WWC2: variants seen among roughly 807,000 people sequenced by gnomAD.
WWC2 encodes the protein protein WWC2.
A neutral mutation model predicts 138.5 loss-of-function variants in WWC2; 101 were observed. That is an observed-to-expected ratio of 0.73 (90% CI 0.62 to 0.86). WWC2 has a LOEUF of 0.86. WWC2 is among the 40% of genes least tolerant of loss of function. The pLI is 0.00. For synonymous variants in WWC2, 558 were observed against 538.4 expected, an observed-to-expected ratio of 1.04 and a Z score of -0.50; for missense variants, 1,420 against 1,419.4, an observed-to-expected ratio of 1.00 and a Z score of -0.01.
intron 5 of WWC2, among the ~76,000 whole-genome samples, chr4:183,242,399 A>G (rs1007374240): frequency 6.6e-6 from 1 of 152,212 alleles, no homozygotes; most frequent in African/African-American, 2.4e-5. Context: ...TGTAATTTAA[A>G]CTTGAGCTTT....
rs1041679073 is a variant in WWC2, at chr4:183,201,765, C to T, written c.242-6188C>T. Among the ~76,000 whole-genome samples the T allele has an allele frequency of 2.0e-5, 3 of 152,174 alleles. No homozygotes were observed. In the East Asian group the frequency reaches 5.8e-4, roughly 29 times the overall value. ...CAAAGCTTTTTGAAGACAGTATATG[C>T]CCCTGGGCATTCCAGAAAATTGATA... On this transcript the variant is annotated intron_variant, in intron 2 of 22. Coordinates refer to ENST00000403733, the MANE Select transcript of WWC2 (RefSeq NM_024949.6).
chr4:183,282,780 C>G lies in WWC2; in HGVS notation c.2757C>G (p.Asp919Glu). 6.3e-7 allele frequency: 1 copy of G among 1,582,390 alleles called. No individual in the cohort carries two copies. Among genetic ancestry groups the G allele is most frequent in the Non-Finnish European group, 8.6e-7 (1 of 1,163,606 alleles). The change falls in exon 18 of 23, where the codon GAC becomes GAG. Residue 919 changes from aspartate (D) to glutamate (E), a missense_variant. Physicochemically the swap from Asp to Glu is conservative, Grantham distance 45 (BLOSUM62 2). Transcript: ENST00000403733. ...EKEAEVKLPE[D>E]SSCTEDLSSC... ...AGGCTGAAGTTAAATTGCCAGAGGA[C>G]AGTAGCTGTACAGAAGATTTAAGTT...
At chr4:183,298,636 G>T (rs1406304194) in intron 21 of WWC2, among the ~76,000 whole-genome samples, 1 of 152,088 alleles carries the variant, frequency 6.6e-6, no homozygotes, top group Non-Finnish European at 1.5e-5. Flanking sequence ...TACCATAAAA[G>T]TATCCATACC....
chr4:183,231,848 A>T (rs1465177556), intron 4 of WWC2, among the ~76,000 whole-genome samples: 1 of 152,182 alleles, frequency 6.6e-6, no homozygotes, highest in African/African-American at 2.4e-5. Context: ...ATAGGTGTTC[A>T]GAAGAAGTCT....
At chr4:183,267,415 C>T (rs1002371895) in intron 14 of WWC2, among the ~76,000 whole-genome samples, 1 of 152,184 alleles carries the variant, frequency 6.6e-6, no homozygotes, top group Non-Finnish European at 1.5e-5. Flanking sequence ...TTCTCCCTAC[C>T]AGTAGATAAG....
intron 1 of WWC2, among the ~76,000 whole-genome samples, chr4:183,114,754 G>A (rs1037961916): frequency 2.6e-5 from 4 of 152,030 alleles, no homozygotes; most frequent in Non-Finnish European, 4.4e-5. Context: ...TGTTGCGGGG[G>A]TTTGGTGTAC....
At chr4:183,221,992 C>A (rs1211499470) in intron 4 of WWC2, among the ~76,000 whole-genome samples, 1 of 152,084 alleles carries the variant, frequency 6.6e-6, no homozygotes, top group Non-Finnish European at 1.5e-5. Context: ...AAACTGGGAA[C>A]CAGCCTAAAT....
intron 1 of WWC2, among the ~76,000 whole-genome samples, chr4:183,107,285 C>T (rs1177475715): frequency 1.3e-5 from 2 of 152,124 alleles, no homozygotes; most frequent in African/African-American, 2.4e-5. Context: ...CCTCAGCCTC[C>T]TGAGTAGCTG....
intron 2 of WWC2, among the ~76,000 whole-genome samples, chr4:183,206,185 A>G (rs1735442675): frequency 6.6e-6 from 1 of 152,062 alleles, no homozygotes; most frequent in South Asian, 2.1e-4. Context: ...ATCCTGTACT[A>G]CCTGTTGTCC....
intron 1 of WWC2, among the ~76,000 whole-genome samples, chr4:183,165,337 C>T (rs548773220): frequency 6.6e-6 from 1 of 152,188 alleles, no homozygotes; most frequent in South Asian, 2.1e-4. Flanking sequence ...TAAATTCCAC[C>T]CTGATAACAA....
intron 1 of WWC2, among the ~76,000 whole-genome samples, chr4:183,107,362 G>T (rs1358458768): frequency 6.6e-6 from 1 of 151,998 alleles, no homozygotes; most frequent in Non-Finnish European, 1.5e-5. Context: ...GGGTTGGGCC[G>T]GTCTCGAACT....
intron 21 of WWC2, among the ~76,000 whole-genome samples, chr4:183,289,907 G>T (rs1049790005): frequency 6.6e-6 from 1 of 151,894 alleles, no homozygotes; most frequent in Non-Finnish European, 1.5e-5. Flanking sequence ...GGGGGTGAGG[G>T]TGTGCCCAAA....
chr4:183,146,678 G>C (rs1733471297), intron 1 of WWC2, among the ~76,000 whole-genome samples: 1 of 152,170 alleles, frequency 6.6e-6, no homozygotes, highest in Admixed American at 6.5e-5. Flanking sequence ...TTAGATGTCT[G>C]TCTGTATGAC....
intron 1 of WWC2, among the ~76,000 whole-genome samples, chr4:183,168,280 A>C (rs942124818): frequency 1.3e-5 from 2 of 150,178 alleles, no homozygotes; most frequent in African/African-American, 4.9e-5. Context: ...AATTCTTAGG[A>C]CCCATTGCCA....
At position 183,289,789 on chromosome 4, in the gene WWC2, C is replaced by CT. The variant is rs376418534; in HGVS notation, c.3384+168dup. 5.7e-3 allele frequency among the ~76,000 whole-genome samples: 798 copies of CT among 140,362 alleles called. 3 individuals are homozygous for CT. Among genetic ancestry groups the CT allele is most frequent in the African/African-American group, 0.016 (623 of 38,404 alleles). 92.1% of individuals were successfully genotyped at this position (140,362 alleles called of 152,430 possible). A position where few individuals can be genotyped will look rare whatever the true frequency, so the allele number is the denominator to read the frequency against. On this transcript the variant is annotated intron_variant, in intron 21 of 22. Transcript: ENST00000403733. ...CATATTTTTCCCACTGTTATAGGCC[C>CT]TTTTTTTTTTTTTTCCAAACCAAAA...
At chr4:183,253,620 T>C in intron 8 of WWC2, 137 bp from the exon 9 acceptor site, 4 of 1,037,010 alleles carry the variant, frequency 3.9e-6, no homozygotes, top group Admixed American at 2.8e-5. Context: ...CTCTCACCAG[T>C]AGACCACACC....
In WWC2 at chr4:183,305,712, C is replaced by T. The variant is rs532223110; in HGVS notation, c.3385-6629C>T. Among the ~76,000 whole-genome samples, 9 of 152,048 alleles carry T rather than the reference C, an allele frequency of 5.9e-5. No individual in the cohort carries two copies. The South Asian group carries it at 1.9e-3, about 31-fold the overall frequency. On this transcript the variant is annotated intron_variant, in intron 21 of 22. Coordinates refer to ENST00000403733, the MANE Select transcript of WWC2 (RefSeq NM_024949.6). ...GAGAATAAATATTTTTTCAGACAAA[C>T]AAAAATTAAGGACATTTGTGCTCAG...
At chr4:183,227,882 C>A (rs1227956778) in intron 4 of WWC2, among the ~76,000 whole-genome samples, 1 of 151,794 alleles carries the variant, frequency 6.6e-6, no homozygotes, top group Non-Finnish European at 1.5e-5. Context: ...CACTATATTA[C>A]TACAGAAAGC....
chr4:183,197,375 A>G (rs371630355), intron 2 of WWC2, among the ~76,000 whole-genome samples: 2 of 152,314 alleles, frequency 1.3e-5, no homozygotes, highest in East Asian at 3.9e-4. Flanking sequence ...ATCTTCTCAA[A>G]CAGCTGTTCC....
Sources: gnomAD v4.1 joint callset for allele counts (sites outside exome capture counted in the v4.1 genomes callset) on GRCh38, gnomAD v4.1.1 for gene constraint, MANE v1.5 for transcripts, NCBI Gene and HGNC (gene_info 2026-07-23, HGNC 2026-07-21) for gene names.